Variants in ZFR2 observed in about 807,000 individuals in gnomAD.
ZFR2 encodes zinc finger RNA-binding protein 2.
Under a neutral mutation model 105.7 loss-of-function variants are expected in ZFR2, and 104 were observed. That is an observed-to-expected ratio of 0.98 (90% CI 0.84 to 1.16). The LOEUF (loss-of-function observed/expected upper bound fraction) is 1.16, where lower values mean the gene tolerates loss of function less well. ZFR2 is among the 50% of genes most tolerant of loss of function. The pLI is 0.00. For synonymous variants in ZFR2, 634 were observed against 597.7 expected (o/e 1.06, Z -0.89); for missense variants, 1,425 against 1,355.5 (o/e 1.05, Z -0.80).
At chr19:3,844,373 CTT>C (rs570065723) in intron 1 of ZFR2, among the ~76,000 whole-genome samples, 4 of 146,216 alleles carry the variant, frequency 2.7e-5, no homozygotes, top group African/African-American at 2.5e-5. Flanking sequence ...CAATGTTTTA[CTT>C]TTTTTTTTTT....
chr19:3,868,612 T>A (rs1480629633), intron 1 of ZFR2, among the ~76,000 whole-genome samples: 1 of 116,666 alleles, frequency 8.6e-6, no homozygotes, highest in Non-Finnish European at 1.8e-5. Context: ...CCCCTCTCGC[T>A]GCCCTCCTCG....
chr19:3,857,403 G>A (rs372109604), intron 1 of ZFR2, among the ~76,000 whole-genome samples: 3 of 152,108 alleles, frequency 2.0e-5, no homozygotes, highest in African/African-American at 7.2e-5. Flanking sequence ...TTGAGAAACA[G>A]GTATAAAAAG....
chr19:3,820,548 G>C (rs1233429513), intron 10 of ZFR2, among the ~76,000 whole-genome samples: 3 of 152,178 alleles, frequency 2.0e-5, no homozygotes, highest in African/African-American at 7.2e-5. Context: ...AGGAGGTCCT[G>C]GTTCCCTTCC....
chr19:3,827,199 G>A (rs550228972), intron 6 of ZFR2, among the ~76,000 whole-genome samples: 8 of 152,284 alleles, frequency 5.3e-5, no homozygotes, highest in Non-Finnish European at 1.0e-4. Flanking sequence ...CCGAGATTGT[G>A]CCCCTGCATC....
intron 14 of ZFR2, among the ~76,000 whole-genome samples, chr19:3,812,690 A>G (rs1318462594): frequency 6.6e-6 from 1 of 152,076 alleles, no homozygotes; most frequent in African/African-American, 2.4e-5. Context: ...CACTGTACTT[A>G]GTTTTTAGAT....
intron 1 of ZFR2, among the ~76,000 whole-genome samples, chr19:3,854,462 G>C (rs1245619053): frequency 6.6e-6 from 1 of 152,166 alleles, no homozygotes; most frequent in Non-Finnish European, 1.5e-5. Flanking sequence ...GCCATCTGCA[G>C]AGTCTGATTC....
At chr19:3,828,926 A>G (rs1321088753) in intron 5 of ZFR2, among the ~76,000 whole-genome samples, 1 of 150,416 alleles carries the variant, frequency 6.6e-6, no homozygotes, top group East Asian at 2.0e-4. Flanking sequence ...AGAGGCATAC[A>G]TTTTACTGTA....
In ZFR2 at chr19:3,806,271, T is replaced by C. The variant is rs919692216; in HGVS notation, c.2644-146A>G. On this transcript the variant is annotated intron_variant, in intron 18 of 18. Coordinates refer to ENST00000262961, the MANE Select transcript of ZFR2 (RefSeq NM_015174.2). ...GAGATAGCCCCCGGCCCCCCGCCGC[T>C]TTCTTTTTTGAGACACAGTCTCGCT... 5 of 947,780 alleles carry C rather than the reference T, an allele frequency of 5.3e-6. No individual in the cohort carries two copies. In the African/African-American group the frequency reaches 8.7e-5, roughly 16 times the overall value. The allele number at this position is 947,780 out of a possible 1,614,324, so 58.7% of individuals were successfully genotyped here. A position where few individuals can be genotyped will look rare whatever the true frequency, so the allele number is the denominator to read the frequency against.
At position 3,825,276 on chromosome 19, in the gene ZFR2, C is replaced by T; in HGVS notation, c.1167G>A (p.Arg389=). The part of the protein sequence containing the change: ...PTGPSVCASS[R]PALAKRPVAS... Reference sequence around the variant, plus strand: ...CCACGGGTCTCTTGGCCAGCGCTGGCCTGCTCGAGGCACACACGCTGGGGC... The same window carrying T: ...CCACGGGTCTCTTGGCCAGCGCTGGTCTGCTCGAGGCACACACGCTGGGGC... Residue 389 remains arginine, a synonymous_variant, in exon 7 of 19, where the codon AGG becomes AGA. Coordinates refer to ENST00000262961, the MANE Select transcript of ZFR2 (RefSeq NM_015174.2). 1.3e-6 allele frequency: 2 copies of T among 1,574,438 alleles called. No individual in the cohort carries two copies. The highest frequency in any genetic ancestry group is 2.0e-5 in the Admixed American group (1 of 50,194).
In ZFR2 at chr19:3,813,247, G is replaced by A. The variant is rs993154030; in HGVS notation, c.2242+573C>T. On this transcript the variant is annotated intron_variant, in intron 14 of 18. Transcript: ENST00000262961. This position sits in a 1 kb window ranked among gnomAD's most constrained non-coding sequence, Gnocchi z 4.4. ...AGATTCCACAGCTGGCTGAGACTTC[G>A]GGAGCACAGACGTGCAGTGTGTTAC... Among the ~76,000 whole-genome samples the A allele has an allele frequency of 1.6e-4, 25 of 152,308 alleles. No individual in the cohort carries two copies. Among genetic ancestry groups the A allele is most frequent in the Admixed American group, 7.8e-4 (12 of 15,298 alleles).
intron 5 of ZFR2, among the ~76,000 whole-genome samples, chr19:3,827,955 G>A (rs960401275): frequency 1.3e-5 from 2 of 151,414 alleles, no homozygotes; most frequent in Non-Finnish European, 2.9e-5. Flanking sequence ...TAAGTACCTG[G>A]GACTACAGGC....
chr19:3,831,401 G>C lies in ZFR2; in HGVS notation c.754C>G (p.Pro252Ala). The C allele has an allele frequency of 6.4e-7, 1 of 1,555,658 alleles. No individual in the cohort carries two copies. The highest frequency in any genetic ancestry group is 1.2e-5 in the South Asian group (1 of 84,480). The change falls in exon 5 of 19, where the codon CCA (proline) becomes GCA (alanine). Residue 252 changes from proline (P) to alanine (A), a missense_variant. Transcript: ENST00000262961. ...SGSSPRADSK[P>A]PLPSKLPRPK... is the part of the protein sequence containing the mutation. ...CTCGGCAGCTTGCTGGGAAGCGGTG[G>C]CTTCGAGTCGGCCCTGGGGCTGCTT...
At chr19:3,842,367 A>G (rs2038141098) in intron 1 of ZFR2, among the ~76,000 whole-genome samples, 1 of 152,080 alleles carries the variant, frequency 6.6e-6, no homozygotes, top group Non-Finnish European at 1.5e-5. Context: ...TTGCACATTG[A>G]TGTTTGGAAA....
chr19:3,812,242 C>A (rs2037773622), intron 14 of ZFR2, among the ~76,000 whole-genome samples: 3 of 152,196 alleles, frequency 2.0e-5, no homozygotes, highest in Non-Finnish European at 2.9e-5. Context: ...CCGCGCCTGG[C>A]CAAATTTTTT....
At chr19:3,809,486 C>T (rs894044973) in intron 16 of ZFR2, among the ~76,000 whole-genome samples, 4 of 152,184 alleles carry the variant, frequency 2.6e-5, no homozygotes, top group African/African-American at 9.6e-5. Context: ...AGGGGCATTG[C>T]TGGCCTCCCA....
At chr19:3,854,518 A>C (rs1426640076) in intron 1 of ZFR2, among the ~76,000 whole-genome samples, 1 of 152,186 alleles carries the variant, frequency 6.6e-6, no homozygotes, top group Admixed American at 6.5e-5. Flanking sequence ...TGAACACATC[A>C]TCTCCGGACC....
chr19:3,811,226 C>T (rs768972092), intron 15 of ZFR2, 46 bp downstream of exon 15: 3 of 1,493,074 alleles, frequency 2.0e-6, no homozygotes, highest in Admixed American at 2.2e-5. Context: ...GAGCTACGTT[C>T]CTCAAAGTCA....
rs60712587 is a variant in ZFR2 at position 3,839,536 on chromosome 19, C to CAAA, written c.54-4556_54-4554dup. 1.8e-3 allele frequency among the ~76,000 whole-genome samples: 67 copies of CAAA among 36,632 alleles called. 8 individuals are homozygous for CAAA. Among genetic ancestry groups the CAAA allele is most frequent in the Non-Finnish European group, 3.0e-3 (60 of 20,056 alleles). The allele number at this position is 36,632 out of a possible 152,430, so 24.0% of individuals were successfully genotyped here. ...CCTGGGTGACAGAGCGGGATTCTGT[C>CAAA]AAAAAAAAAAAAAAAAAAAAAAAAA... On this transcript the variant is annotated intron_variant, in intron 1 of 18. Transcript: ENST00000262961.
chr19:3,806,063 C>G lies in ZFR2; in HGVS notation c.2706G>C (p.Pro902=). ...AGCGGGCCCCCAGCCGGTGTCTGGG[C>G]GGCAGGAGATCCATGCCCAGGACCT... is the stretch of plus-strand genomic sequence containing the variant. ...THKVLGMDLL[P]PRHRLGARFR... The change falls in exon 19 of 19, where the codon CCG becomes CCC. Residue 902 remains proline, a synonymous_variant. Coordinates refer to ENST00000262961, the MANE Select transcript of ZFR2 (RefSeq NM_015174.2). 6.5e-7 allele frequency: 1 copy of G among 1,531,792 alleles called. No homozygotes were observed. Among genetic ancestry groups the G allele is most frequent in the Non-Finnish European group, 8.8e-7 (1 of 1,140,030 alleles). 94.9% of individuals were successfully genotyped at this position (1,531,792 alleles called of 1,614,324 possible). A position where few individuals can be genotyped will look rare whatever the true frequency, so the allele number is the denominator to read the frequency against.
Sources: gnomAD v4.1 joint callset for allele counts (sites outside exome capture counted in the v4.1 genomes callset) on GRCh38, gnomAD v4.1.1 for gene constraint, Gnocchi (gnomAD v3.1) non-coding constraint, MANE v1.5 for transcripts, NCBI Gene and HGNC (gene_info 2026-07-23, HGNC 2026-07-21) for gene names.